LGALS12: variants seen among roughly 807,000 people sequenced by gnomAD.
LGALS12 encodes galectin-12.
In LGALS12, 36 loss-of-function variants were observed where a neutral mutation model predicts 36.8. The observed-to-expected ratio is 0.98, with a 90% CI of 0.75 to 1.29. The LOEUF (loss-of-function observed/expected upper bound fraction) is 1.29, where lower values mean the gene tolerates loss of function less well. Ranked by LOEUF, LGALS12 falls within the 50% of genes most tolerant of loss-of-function variation. The pLI is 0.00. For synonymous variants in LGALS12, 145 were observed against 155.9 expected, an observed-to-expected ratio of 0.93 and a Z score of 0.52; for missense variants, 366 against 394.3, an observed-to-expected ratio of 0.93 and a Z score of 0.61.
chr11:63,511,102 G>C lies in LGALS12; in HGVS notation c.555G>C (p.Arg185Ser). The change falls in exon 6 of 9, where the codon AGG becomes AGC. Residue 185 changes from arginine (R) to serine (S), a missense_variant. Transcript: ENST00000394618. ...AGHPFLLMSP[R>S]LEVPCSHALP... ...AGCCTTTCCTGCTGATGAGCCCCAG[G>C]CTGGTGAGTGAACCTCCCTCCTGCT... is the stretch of plus-strand genomic sequence containing the variant. 1 of 1,613,466 alleles carries C rather than the reference G, an allele frequency of 6.2e-7. No homozygotes were observed. Among genetic ancestry groups the C allele is most frequent in the East Asian group, 2.2e-5 (1 of 44,890 alleles).
intron 5 of LGALS12, 89 bp downstream of exon 5, chr11:63,510,590 C>G: frequency 1.5e-6 from 2 of 1,292,492 alleles, no homozygotes; most frequent in Non-Finnish European, 2.2e-6. Context: ...GCCCAGCTGC[C>G]CCTTCCCTCA....
Position 63,506,469 on chromosome 11 carries a change from G to A in LGALS12, c.11G>A (p.Gly4Glu). MSP[G>E]EKLDPIPDSF... ...AGTTGCCCCACTGTCATGTCACCTG[G>A]AGAAAAACTGGACCCAATTCCTGAC... Residue 4 changes from glycine (G) to glutamate (E), a missense_variant, in exon 1 of 9, where the codon GGA becomes GAA. Transcript: ENST00000394618. The A allele has an allele frequency of 9.3e-6, 15 of 1,614,208 alleles. No individual in the cohort carries two copies. Among genetic ancestry groups the A allele is most frequent in the Non-Finnish European group, 1.3e-5 (15 of 1,180,020 alleles).
Position 63,506,304 on chromosome 11 carries a change from C to A in LGALS12, c.-155C>A. On this transcript the variant is annotated 5_prime_UTR_variant, in exon 1 of 9. Transcript: ENST00000394618. ...GTCGCCCGCTGCCCTCCTAGGGCTG[C>A]TCCAGACAGCATTAAAACGCTGCAG... is the stretch of plus-strand genomic sequence containing the variant. 6.5e-7 allele frequency: 1 copy of A among 1,534,890 alleles called. No homozygotes were observed.
intron 3 of LGALS12, among the ~76,000 whole-genome samples, chr11:63,509,536 A>G (rs894925091): frequency 1.3e-5 from 2 of 152,162 alleles, no homozygotes; most frequent in Non-Finnish European, 2.9e-5. Flanking sequence ...AGAAAGCACA[A>G]TGAGGGGCCT....
intron 1 of LGALS12, 52 bp downstream of exon 1, chr11:63,506,579 C>G (rs1234968047): frequency 1.2e-6 from 2 of 1,609,756 alleles, no homozygotes; most frequent in Non-Finnish European, 1.7e-6. Flanking sequence ...CTCTTCCCTT[C>G]CAACTGGGCC....
rs2016869456 is a variant in LGALS12, at chr11:63,509,988, G to C, written c.492+91G>C. 2.1e-6 allele frequency: 3 copies of C among 1,451,522 alleles called. 1 individual carries two copies. The South Asian group carries it at 4.1e-5, about 20-fold the overall frequency. 89.9% of individuals were successfully genotyped at this position (1,451,522 alleles called of 1,614,324 possible). A position where few individuals can be genotyped will look rare whatever the true frequency, so the allele number is the denominator to read the frequency against. ...GCCTGGGACCCCTTCCTCCACCCTAGACTGAGAGAGAGGACGCCCTGTGCA... is the reference window on the plus strand; with the variant it reads ...GCCTGGGACCCCTTCCTCCACCCTACACTGAGAGAGAGGACGCCCTGTGCA... On this transcript the variant is annotated intron_variant, in intron 4 of 8. Transcript: ENST00000394618.
In LGALS12 at chr11:63,509,760, CTCTG is replaced by C. The variant is rs772389953; in HGVS notation, c.373-10_373-7del. 1.8e-5 allele frequency: 29 copies of C among 1,612,958 alleles called. No homozygotes were observed. The highest frequency in any genetic ancestry group is 2.0e-5 in the Non-Finnish European group (24 of 1,179,476). On this transcript the variant is annotated splice_polypyrimidine_tract_variant and intron_variant, in intron 3 of 8. Coordinates refer to ENST00000394618, the MANE Select transcript of LGALS12 (RefSeq NM_033101.4). ...GAACATTAGCTGCTGATAAGCCAGC[CTCTG>C]TCTGTCTCTCCAGGTGAGTGTGAAT...
intron 3 of LGALS12, 130 bp downstream of exon 3, chr11:63,509,121 G>T: frequency 1.3e-6 from 1 of 767,692 alleles, no homozygotes. Context: ...GGACCAAGGA[G>T]CTGCCATGCC....
chr11:63,506,322 C>T lies in LGALS12; in HGVS notation c.-137C>T, dbSNP rs1053749680. 1.3e-5 allele frequency: 20 copies of T among 1,586,744 alleles called. No homozygotes were observed. The highest frequency in any genetic ancestry group is 9.0e-5 in the South Asian group (8 of 88,876). On this transcript the variant is annotated 5_prime_UTR_variant, in exon 1 of 9. It adds an upstream start codon to the 5' untranslated region. Transcript: ENST00000394618. Reference sequence around the variant, plus strand: ...AGGGCTGCTCCAGACAGCATTAAAACGCTGCAGGTCGCAGGTGAGACTAAC... The same window carrying T: ...AGGGCTGCTCCAGACAGCATTAAAATGCTGCAGGTCGCAGGTGAGACTAAC...
At chr11:63,508,504 C>A in intron 1 of LGALS12, 49 bp from the exon 2 acceptor site, 1 of 1,612,828 alleles carries the variant, frequency 6.2e-7, no homozygotes, top group South Asian at 1.1e-5. Context: ...ATAGAGGTCC[C>A]TAAGCCCTTT....
At chr11:63,514,696 T>C (rs2017027588) in intron 7 of LGALS12, among the ~76,000 whole-genome samples, 1 of 151,886 alleles carries the variant, frequency 6.6e-6, no homozygotes, top group Non-Finnish European at 1.5e-5. Context: ...CCTAAGGCCC[T>C]ACCACTATTA....
At chr11:63,509,629 A>G (rs1025525444) in intron 3 of LGALS12, 149 bp from the exon 4 acceptor site, 4 of 774,232 alleles carry the variant, frequency 5.2e-6, no homozygotes, top group Non-Finnish European at 8.2e-6. Context: ...AAGCCGCCCA[A>G]GGCTCTGTAA....
In LGALS12 at chr11:63,516,357, C is replaced by G. The variant is rs200473132; in HGVS notation, c.909C>G (p.Ile303Met). 6.2e-7 allele frequency: 1 copy of G among 1,613,964 alleles called. No individual in the cohort carries two copies. The highest frequency in any genetic ancestry group is 2.2e-5 in the East Asian group (1 of 44,878). ...QALEQLRELR[I>M]SGSVQLYCVH... ...TGGAGCAGCTGCGGGAGCTCCGGAT[C>G]AGTGGAAGTGTCCAGCTCTACTGTG... Residue 303 changes from isoleucine to methionine, a missense_variant, in exon 9 of 9, where the codon ATC becomes ATG. Ile to Met is a conservative substitution (Grantham distance 10). Coordinates refer to ENST00000394618, the MANE Select transcript of LGALS12 (RefSeq NM_033101.4).
At chr11:63,512,534 T>G (rs1316631087) in intron 7 of LGALS12, among the ~76,000 whole-genome samples, 28 of 152,118 alleles carry the variant, frequency 1.8e-4, no homozygotes, top group Admixed American at 1.8e-3. Flanking sequence ...CTCACACCTA[T>G]AATCCCAGCA....
intron 8 of LGALS12, 131 bp downstream of exon 8, chr11:63,515,844 C>A: frequency 2.2e-6 from 2 of 924,426 alleles, no homozygotes; most frequent in South Asian, 1.7e-5. Flanking sequence ...GCCAGCAGAG[C>A]ACAGCGAATG....
At chr11:63,514,630 G>A (rs1565228826) in intron 7 of LGALS12, among the ~76,000 whole-genome samples, 2 of 152,058 alleles carry the variant, frequency 1.3e-5, no homozygotes, top group African/African-American at 4.8e-5. Flanking sequence ...TGAGAGGCAG[G>A]TGCCAGATCC....
chr11:63,506,827 G>T (rs1296120988), intron 1 of LGALS12, among the ~76,000 whole-genome samples: 1 of 152,172 alleles, frequency 6.6e-6, no homozygotes, highest in African/African-American at 2.4e-5. Context: ...GTGGGGGTAG[G>T]ATTGTTGGGG....
chr11:63,515,557 C>T lies in LGALS12; in HGVS notation c.648-6C>T, dbSNP rs748643084. ...GATTCCTTCTCCTTCCTCCTGCTTC[C>T]TGCAGTTTTACTGTGAGCCTGAGGG... On this transcript the variant is annotated splice_polypyrimidine_tract_variant and splice_region_variant and intron_variant, in intron 7 of 8. Coordinates refer to ENST00000394618, the MANE Select transcript of LGALS12 (RefSeq NM_033101.4). 6.2e-7 allele frequency: 1 copy of T among 1,613,928 alleles called. No homozygotes were observed. The highest frequency in any genetic ancestry group is 8.5e-7 in the Non-Finnish European group (1 of 1,179,854).
rs533865147 is a variant in LGALS12 at position 63,512,814 on chromosome 11, G to C, written c.647+974G>C. Among the ~76,000 whole-genome samples the C allele has an allele frequency of 2.4e-4, 37 of 152,016 alleles. No individual in the cohort carries two copies. The East Asian group carries it at 6.6e-3, about 27-fold the overall frequency. On this transcript the variant is annotated intron_variant, in intron 7 of 8. Transcript: ENST00000394618. ...AAAAAAAAAAAAAAAAGATAGAGGGGGTTGATAATAATGCCGACTTTAGGG... is the reference window on the plus strand; with the variant it reads ...AAAAAAAAAAAAAAAAGATAGAGGGCGTTGATAATAATGCCGACTTTAGGG...
Sources: gnomAD v4.1 joint callset for allele counts (sites outside exome capture counted in the v4.1 genomes callset) on GRCh38, gnomAD v4.1.1 for gene constraint, MANE v1.5 for transcripts, NCBI Gene and HGNC (gene_info 2026-07-23, HGNC 2026-07-21) for gene names.